The following PAX5 variants were observed in gnomAD, a reference collection of about 807,000 sequenced individuals.
The protein encoded by PAX5 is paired box 5, also known as paired box protein Pax-5.
PAX5 carries 9 observed loss-of-function variants against 43.7 expected under a neutral mutation model. That is an observed-to-expected ratio of 0.21 (90% CI 0.12 to 0.36). The LOEUF (loss-of-function observed/expected upper bound fraction) is 0.36. Ranked by LOEUF, PAX5 falls within the 10% of genes least tolerant of loss-of-function variation. The pLI is 1.00. For synonymous variants in PAX5, 228 were observed against 214.3 expected, an observed-to-expected ratio of 1.06 and a Z score of -0.56; for missense variants, 383 against 532.7, an observed-to-expected ratio of 0.72 and a Z score of 2.77.
At chr9:36,889,717 TAGGTACTCAG>T (rs1338016567) in intron 7 of PAX5, among the ~76,000 whole-genome samples, 1 of 152,148 alleles carries the variant, frequency 6.6e-6, no homozygotes, top group African/African-American at 2.4e-5. Flanking sequence ...TGGCACACAG[TAGGTACTCAG>T]AAAACGTTTG....
rs1258466038 is a variant in PAX5 at position 37,016,983 on chromosome 9, A to G, written c.213-1789T>C. ...TGACCATAAGGTAAAAACTCAACCT[A>G]TCTTCCCTCTTTCTAAAAAATTGCT... On this transcript the variant is annotated intron_variant, in intron 2 of 9. Transcript: ENST00000358127. 4.6e-5 allele frequency among the ~76,000 whole-genome samples: 7 copies of G among 152,322 alleles called. No homozygotes were observed. In the East Asian group the frequency reaches 1.4e-3, roughly 29 times the overall value.
chr9:36,871,473 C>A (rs368050373), intron 8 of PAX5, among the ~76,000 whole-genome samples: 1 of 152,214 alleles, frequency 6.6e-6, no homozygotes, highest in Admixed American at 6.5e-5. Context: ...CCTCCAGGCC[C>A]ACCTTGACCC....
chr9:36,946,095 G>A (rs111342415), intron 6 of PAX5, among the ~76,000 whole-genome samples: 6,795 of 152,178 alleles, frequency 0.045, 217 homozygotes, highest in Non-Finnish European at 0.071. Context: ...CCGTCAGGAT[G>A]CAGTGCTCCA....
At chr9:36,944,246 C>T (rs897559611) in intron 6 of PAX5, among the ~76,000 whole-genome samples, 9 of 152,158 alleles carry the variant, frequency 5.9e-5, no homozygotes, top group African/African-American at 9.7e-5. Context: ...ACATGGGGCA[C>T]GCTCATGTCA....
chr9:36,840,230 T>C lies in PAX5; in HGVS notation c.*330A>G. On this transcript the variant is annotated 3_prime_UTR_variant, in exon 10 of 10. Transcript: ENST00000358127. ...TCTCCTTCCCAGGCTGGGGTGGTTA[T>C]GATGGATGGATAGTCAGACAGCTGG... The C allele has an allele frequency of 2.0e-6, 1 of 496,638 alleles. No individual in the cohort carries two copies. The highest frequency in any genetic ancestry group is 3.6e-6 in the Non-Finnish European group (1 of 276,850). The allele number at this position is 496,638 out of a possible 1,614,324, so 30.8% of individuals were successfully genotyped here.
At chr9:36,949,144 C>A (rs1832793237) in intron 6 of PAX5, among the ~76,000 whole-genome samples, 3 of 152,180 alleles carry the variant, frequency 2.0e-5, no homozygotes, top group Admixed American at 2.0e-4. Context: ...TCACTGCAAC[C>A]TCTGCCTCCG....
rs529788455 is a variant in PAX5, at chr9:36,992,992, A to C, written c.604+9656T>G. ...GTGCAGGTTTGTTACACAGGTATAC[A>C]TGTGCCATAGTGGTTTGCTGCACCT... is the stretch of plus-strand genomic sequence containing the variant. On this transcript the variant is annotated intron_variant, in intron 5 of 9. Coordinates refer to ENST00000358127, the MANE Select transcript of PAX5 (RefSeq NM_016734.3). Among the ~76,000 whole-genome samples, 4 of 152,382 alleles carry C rather than the reference A, an allele frequency of 2.6e-5. 1 individual carries two copies. The South Asian group carries it at 8.3e-4, about 32-fold the overall frequency.
At chr9:36,865,231 G>T (rs1409473562) in intron 8 of PAX5, among the ~76,000 whole-genome samples, 2 of 152,132 alleles carry the variant, frequency 1.3e-5, no homozygotes, top group Non-Finnish European at 2.9e-5. Context: ...GGAGGCCCAG[G>T]GTGAGCCCGG....
In PAX5 at chr9:36,839,174, C is replaced by T. The variant is rs1354806428; in HGVS notation, c.*1386G>A. 4.3e-6 allele frequency: 1 copy of T among 233,558 alleles called. No individual in the cohort carries two copies. Among genetic ancestry groups the T allele is most frequent in the African/African-American group, 2.2e-5 (1 of 45,362 alleles). 14.5% of individuals were successfully genotyped at this position (233,558 alleles called of 1,614,324 possible). On this transcript the variant is annotated 3_prime_UTR_variant, in exon 10 of 10. Coordinates refer to ENST00000358127, the MANE Select transcript of PAX5 (RefSeq NM_016734.3). The stretch of plus-strand genomic sequence containing the variant: ...TCACACAGCAGCTCCTCACTGCTCT[C>T]CTGCCCCTCCCTCAGGAGGCCTTCC...
chr9:36,917,962 C>T (rs958801190), intron 7 of PAX5, among the ~76,000 whole-genome samples: 4 of 152,106 alleles, frequency 2.6e-5, no homozygotes, highest in Non-Finnish European at 4.4e-5. Flanking sequence ...ACAAACTGTG[C>T]CCATATAAGA....
intron 7 of PAX5, among the ~76,000 whole-genome samples, chr9:36,900,777 G>A (rs1296197461): frequency 6.6e-6 from 1 of 151,946 alleles, no homozygotes; most frequent in Non-Finnish European, 1.5e-5. Context: ...CTGTGTCCAT[G>A]CCCCCAGTCC....
chr9:36,972,439 C>G (rs770695994), intron 5 of PAX5, among the ~76,000 whole-genome samples: 1 of 152,220 alleles, frequency 6.6e-6, no homozygotes, highest in Non-Finnish European at 1.5e-5. Context: ...CATTTCTAAC[C>G]CCTTTCTCCA....
At chr9:36,930,507 G>A (rs983007204) in intron 6 of PAX5, among the ~76,000 whole-genome samples, 8 of 152,166 alleles carry the variant, frequency 5.3e-5, no homozygotes, top group African/African-American at 1.9e-4. Flanking sequence ...GATTACAGGC[G>A]TGAGCCACTG....
chr9:36,849,616 C>T (rs757038328), intron 8 of PAX5, among the ~76,000 whole-genome samples: 6 of 152,252 alleles, frequency 3.9e-5, no homozygotes, highest in Non-Finnish European at 8.8e-5. Flanking sequence ...CCGTTATTAG[C>T]ACCCACAGCC....
At chr9:36,969,692 A>T (rs1287907071) in intron 5 of PAX5, among the ~76,000 whole-genome samples, 1 of 152,114 alleles carries the variant, frequency 6.6e-6, no homozygotes, top group Admixed American at 6.5e-5. Context: ...GCCTGTAAGG[A>T]TATCTAGGCT....
chr9:36,858,983 C>T (rs1408509841), intron 8 of PAX5, among the ~76,000 whole-genome samples: 3 of 152,174 alleles, frequency 2.0e-5, no homozygotes. Context: ...TTTAATGCTT[C>T]TGCTGACATA....
rs11999374 is a variant in PAX5, at chr9:36,989,676, C to T, written c.604+12972G>A. ...GTAGATCACGAAAGAGCTCCCTCCC[C>T]GTCTAGAATGGCTGTCACAAGATCC... On this transcript the variant is annotated intron_variant, in intron 5 of 9. Coordinates refer to ENST00000358127, the MANE Select transcript of PAX5 (RefSeq NM_016734.3). Among the ~76,000 whole-genome samples, 173 of 152,250 alleles carry T rather than the reference C, an allele frequency of 1.1e-3. 2 individuals carry two copies. Among genetic ancestry groups the T allele is most frequent in the African/African-American group, 3.5e-3 (146 of 41,528 alleles).
intron 1 of PAX5, among the ~76,000 whole-genome samples, chr9:37,025,144 G>T (rs1450861237): frequency 6.6e-6 from 1 of 152,212 alleles, no homozygotes; most frequent in Non-Finnish European, 1.5e-5. Flanking sequence ...AATCGTTTGG[G>T]CTGGGACCAG....
chr9:36,990,057 G>C lies in PAX5; in HGVS notation c.604+12591C>G, dbSNP rs180800744. 9.9e-5 allele frequency among the ~76,000 whole-genome samples: 15 copies of C among 152,278 alleles called. No individual in the cohort carries two copies. The East Asian group carries it at 2.5e-3, about 25-fold the overall frequency. On this transcript the variant is annotated intron_variant, in intron 5 of 9. Coordinates refer to ENST00000358127, the MANE Select transcript of PAX5 (RefSeq NM_016734.3). ...AGCCCTCACTTAGGAAGTGACACAA[G>C]CTAGATCCTGAAGTTTGGGATGTCA...
Sources: allele counts gnomAD v4.1 joint callset (sites outside exome capture counted in the v4.1 genomes callset), GRCh38; gene constraint gnomAD v4.1.1; transcripts MANE v1.5; gene names NCBI Gene and HGNC (gene_info 2026-07-23, HGNC 2026-07-21).